IPCEF1: variants seen among roughly 807,000 people sequenced by gnomAD.
IPCEF1 encodes the protein interaction protein for cytohesin exchange factors 1, also known as interactor protein for cytohesin exchange factors 1.
IPCEF1 carries 31 observed loss-of-function variants against 50.9 expected under a neutral mutation model. The ratio of observed to expected loss-of-function variants is 0.61; its 90% CI spans 0.46 to 0.82. IPCEF1 has a LOEUF of 0.82. Among genes scored for constraint, IPCEF1 ranks in the 40% least tolerant of loss-of-function variants. The pLI is 0.00. For synonymous variants in IPCEF1, 181 were observed against 192.0 expected (o/e 0.94, Z 0.47); for missense variants, 458 against 514.0 (o/e 0.89, Z 1.05).
chr6:154,164,211 C>A (rs964776274), intron 11 of IPCEF1, among the ~76,000 whole-genome samples: 6 of 152,086 alleles, frequency 3.9e-5, no homozygotes, highest in Non-Finnish European at 8.8e-5. Context: ...ATTGGGGAAA[C>A]TGACTTTGCA....
chr6:154,292,125 T>C (rs577084771), intron 1 of IPCEF1, among the ~76,000 whole-genome samples: 1 of 152,350 alleles, frequency 6.6e-6, no homozygotes, highest in Admixed American at 6.5e-5. Context: ...CACCAAGGCA[T>C]GTCTACGGTC....
At chr6:154,278,525 C>T (rs183689226) in intron 2 of IPCEF1, among the ~76,000 whole-genome samples, 2 of 152,288 alleles carry the variant, frequency 1.3e-5, no homozygotes, top group East Asian at 3.9e-4. Flanking sequence ...AAGTCAACCC[C>T]TCTCCAAATT....
At chr6:154,336,879 C>T (rs769680854) in intron 1 of IPCEF1, among the ~76,000 whole-genome samples, 3 of 152,190 alleles carry the variant, frequency 2.0e-5, no homozygotes, top group Non-Finnish European at 4.4e-5. Context: ...GCTGAGACTA[C>T]AGGCGTGATC....
chr6:154,325,237 G>T (rs1056587542), intron 1 of IPCEF1, among the ~76,000 whole-genome samples: 1 of 152,020 alleles, frequency 6.6e-6, no homozygotes, highest in African/African-American at 2.4e-5. Flanking sequence ...ACATAGAACA[G>T]TCTGTAAACT....
chr6:154,265,999 G>C, intron 2 of IPCEF1, 35 bp from the exon 3 acceptor site: 2 of 1,238,052 alleles, frequency 1.6e-6, no homozygotes, highest in Admixed American at 2.0e-5. Flanking sequence ...TTAAATGTGA[G>C]ATTAAAGTGT....
At chr6:154,161,915 T>G (rs1168945723) in intron 11 of IPCEF1, among the ~76,000 whole-genome samples, 2 of 152,194 alleles carry the variant, frequency 1.3e-5, no homozygotes, top group African/African-American at 4.8e-5. Context: ...TTCACATCCT[T>G]TTTCTGGCAG....
intron 9 of IPCEF1, among the ~76,000 whole-genome samples, chr6:154,204,160 T>A (rs934581787): frequency 2.6e-5 from 4 of 152,248 alleles, no homozygotes; most frequent in African/African-American, 9.6e-5. Flanking sequence ...ATACTGATTT[T>A]TCCTATTTTC....
intron 10 of IPCEF1, among the ~76,000 whole-genome samples, chr6:154,176,427 T>A (rs1800337100): frequency 6.6e-6 from 1 of 152,198 alleles, no homozygotes; most frequent in Admixed American, 6.5e-5. Context: ...GAAAACCCCA[T>A]CATCTCAGCC....
At chr6:154,166,900 A>G (rs1157889937) in intron 11 of IPCEF1, among the ~76,000 whole-genome samples, 1 of 152,208 alleles carries the variant, frequency 6.6e-6, no homozygotes, top group Non-Finnish European at 1.5e-5. Context: ...AAATTTTAAT[A>G]TTAAATAAGA....
chr6:154,319,070 A>C (rs1252640172), intron 1 of IPCEF1, among the ~76,000 whole-genome samples: 5 of 152,164 alleles, frequency 3.3e-5, no homozygotes, highest in African/African-American at 9.7e-5. Flanking sequence ...TGTATAACTA[A>C]ATTCTTGTCA....
At chr6:154,315,921 G>A (rs899061552) in intron 1 of IPCEF1, among the ~76,000 whole-genome samples, 1 of 151,996 alleles carries the variant, frequency 6.6e-6, no homozygotes, top group African/African-American at 2.4e-5. Flanking sequence ...TCAGCTCACT[G>A]CAATCTCAGC....
rs185748368 is a variant in IPCEF1 at position 154,161,645 on chromosome 6, T to C, written c.1105-1605A>G. ...TCTCATGCCTTCCAATGATGCCCTCTGAGAACTTACCGAGGTACATTTAGG... is the reference window on the plus strand; with the variant it reads ...TCTCATGCCTTCCAATGATGCCCTCCGAGAACTTACCGAGGTACATTTAGG... On this transcript the variant is annotated intron_variant, in intron 11 of 11. Transcript: ENST00000367220. Among the ~76,000 whole-genome samples the C allele has an allele frequency of 8.4e-4, 128 of 152,340 alleles. No individual in the cohort carries two copies. In the Middle Eastern group the frequency reaches 0.014, roughly 16 times the overall value.
At chr6:154,232,425 A>T (rs1331677383) in intron 5 of IPCEF1, among the ~76,000 whole-genome samples, 1 of 152,204 alleles carries the variant, frequency 6.6e-6, no homozygotes. Flanking sequence ...TAGTACTATG[A>T]TCACAGCCTT....
intron 1 of IPCEF1, among the ~76,000 whole-genome samples, chr6:154,353,646 T>TTCAGGTAG (rs1784155667): frequency 1.3e-5 from 2 of 152,230 alleles, no homozygotes; most frequent in African/African-American, 2.4e-5. Context: ...AGTTCAGGTA[T>TTCAGGTAG]GTTCCACTAA....
intron 3 of IPCEF1, among the ~76,000 whole-genome samples, chr6:154,264,789 C>T (rs182444423): frequency 3.1e-4 from 47 of 152,228 alleles, no homozygotes; most frequent in African/African-American, 1.1e-3. Flanking sequence ...TTCTGGGATA[C>T]GACATTGTTA....
rs1041256683 is a variant in IPCEF1 at position 154,168,457 on chromosome 6, G to C, written c.911-344C>G. ...GTCCAAACTCCCCCTATTTATGAGG[G>C]TATCAGTCATGTTGGATTAGAAACC... is the stretch of plus-strand genomic sequence containing the variant. On this transcript the variant is annotated intron_variant, in intron 10 of 11. Transcript: ENST00000367220. This position sits in a 1 kb window ranked among gnomAD's most constrained non-coding sequence, Gnocchi z 4.1. 6.6e-6 allele frequency among the ~76,000 whole-genome samples: 1 copy of C among 151,994 alleles called. No homozygotes were observed. The highest frequency in any genetic ancestry group is 1.5e-5 in the Non-Finnish European group (1 of 68,008).
At chr6:154,233,579 C>T (rs1209477710) in intron 5 of IPCEF1, among the ~76,000 whole-genome samples, 4 of 152,160 alleles carry the variant, frequency 2.6e-5, no homozygotes, top group Non-Finnish European at 4.4e-5. Context: ...CAATTTCCTA[C>T]AGAACCCAGA....
intron 1 of IPCEF1, among the ~76,000 whole-genome samples, chr6:154,336,898 C>G (rs951872859): frequency 6.6e-6 from 1 of 152,150 alleles, no homozygotes; most frequent in Non-Finnish European, 1.5e-5. Flanking sequence ...TCAATCATGC[C>G]TGGCCTAGAA....
intron 1 of IPCEF1, among the ~76,000 whole-genome samples, chr6:154,351,906 C>T (rs1220756709): frequency 6.6e-6 from 1 of 152,236 alleles, no homozygotes; most frequent in Non-Finnish European, 1.5e-5. Context: ...ACCGCATGTT[C>T]TCACTTACAA....
Sources: allele counts gnomAD v4.1 joint callset (sites outside exome capture counted in the v4.1 genomes callset), GRCh38; gene constraint gnomAD v4.1.1; non-coding constraint Gnocchi (gnomAD v3.1); transcripts MANE v1.5; gene names NCBI Gene and HGNC (gene_info 2026-07-23, HGNC 2026-07-21).